Variants in COL4A6 observed in about 807,000 individuals in gnomAD.
COL4A6 encodes collagen type IV alpha 6 chain.
In COL4A6, 59 loss-of-function variants were observed where a neutral mutation model predicts 126.7. The ratio of observed to expected loss-of-function variants is 0.47; its 90% CI spans 0.38 to 0.58. The LOEUF is 0.58. Ranked by LOEUF, COL4A6 falls within the 20% of genes least tolerant of loss-of-function variation. The pLI, the probability that COL4A6 is intolerant of heterozygous loss-of-function variation, is 0.00. For synonymous variants in COL4A6, 547 were observed against 496.6 expected (o/e 1.10, Z -1.35); for missense variants, 1,285 against 1,337.3 (o/e 0.96, Z 0.61).
chrX:108,407,426 T>G (rs1280321249), intron 2 of COL4A6, among the ~76,000 whole-genome samples: 1 of 112,483 alleles, frequency 8.9e-6, no homozygotes, highest in Non-Finnish European at 1.9e-5. Flanking sequence ...GAAAATTTGA[T>G]TTTAAATGGA....
chrX:108,162,399 AAAGAAGAAGAAG>A (rs199879518), intron 41 of COL4A6, among the ~76,000 whole-genome samples: 8 of 108,262 alleles, frequency 7.4e-5, no homozygotes, highest in Admixed American at 7.0e-4. Context: ...AGGAAGAAGA[AAAGAAGAAGAAG>A]AAGAGGAAGA....
chrX:108,254,349 G>T (rs1047315097), intron 3 of COL4A6, among the ~76,000 whole-genome samples: 1 of 110,981 alleles, frequency 9.0e-6, no homozygotes, highest in African/African-American at 3.3e-5. Context: ...TGAGCATGTC[G>T]GTGGCATACC....
intron 2 of COL4A6, among the ~76,000 whole-genome samples, chrX:108,322,198 A>AAC (rs981724011): frequency 9.0e-6 from 1 of 110,787 alleles, no homozygotes; most frequent in Non-Finnish European, 1.9e-5. Flanking sequence ...CACACACACA[A>AAC]ACACACACAC....
intron 6 of COL4A6, among the ~76,000 whole-genome samples, chrX:108,211,980 C>G (rs2035718835): frequency 1.8e-5 from 2 of 111,235 alleles, no homozygotes; most frequent in Non-Finnish European, 3.8e-5. Context: ...TTGAATGGGT[C>G]TGAAATGTGT....
chrX:108,292,605 A>T (rs180708116), intron 3 of COL4A6, among the ~76,000 whole-genome samples: 44 of 112,146 alleles, frequency 3.9e-4, no homozygotes, highest in Non-Finnish European at 6.9e-4. Context: ...GAACAATGAA[A>T]ATTAGAATAT....
chrX:108,382,895 C>G (rs917216738), intron 2 of COL4A6, among the ~76,000 whole-genome samples: 1 of 106,626 alleles, frequency 9.4e-6, no homozygotes, highest in South Asian at 4.3e-4. Flanking sequence ...TTGCGGTGAG[C>G]GGAGATCATG....
At chrX:108,203,120 T>C (rs1191865196) in intron 12 of COL4A6, 139 bp from the exon 13 acceptor site, 7 of 500,292 alleles carry the variant, frequency 1.4e-5, no homozygotes, top group Non-Finnish European at 2.1e-5. Context: ...GTGGTGCAGA[T>C]TCCCCAGGCT....
In COL4A6 at chrX:108,212,231, T is replaced by A. The variant is rs1285435715; in HGVS notation, c.442-491A>T. On this transcript the variant is annotated intron_variant, in intron 6 of 44. Coordinates refer to ENST00000334504, the MANE Select transcript of COL4A6 (RefSeq NM_033641.4). ...CTTTCTTTCTTTTTATTTTATTATT[T>A]AAAAAAAAAAAAAACAGGCCACAAG... 5.0e-4 allele frequency among the ~76,000 whole-genome samples: 49 copies of A among 98,425 alleles called. No individual in the cohort carries two copies. In the East Asian group the frequency reaches 7.9e-3, roughly 16 times the overall value. 85.5% of individuals were successfully genotyped at this position (98,425 alleles called of 115,157 possible). A position where few individuals can be genotyped will look rare whatever the true frequency, so the allele number is the denominator to read the frequency against.
At chrX:108,178,880 G>A (rs1176936738) in intron 26 of COL4A6, 35 bp from the exon 27 acceptor site, 19 of 1,181,462 alleles carry the variant, frequency 1.6e-5, no homozygotes, top group Non-Finnish European at 2.2e-5. Flanking sequence ...TCACAGCCTG[G>A]AGAGATAGCA....
intron 2 of COL4A6, among the ~76,000 whole-genome samples, chrX:108,332,565 T>C (rs759440718): frequency 9.8e-5 from 11 of 112,157 alleles, no homozygotes; most frequent in Non-Finnish European, 1.7e-4. Context: ...AGAAGGTATG[T>C]CATTGTGGTT....
At chrX:108,363,116 C>T (rs942657598) in intron 2 of COL4A6, among the ~76,000 whole-genome samples, 2 of 112,026 alleles carry the variant, frequency 1.8e-5, no homozygotes, top group African/African-American at 3.2e-5. Flanking sequence ...CACTAGCACA[C>T]GAGAGAGTGG....
At chrX:108,307,140 G>A (rs2038645658) in intron 3 of COL4A6, among the ~76,000 whole-genome samples, 1 of 111,055 alleles carries the variant, frequency 9.0e-6, no homozygotes, top group Admixed American at 9.6e-5. Flanking sequence ...AGAACAACCC[G>A]AAAGAATAGT....
Position 108,178,674 on chromosome X carries a change from A to G in COL4A6, c.2515+10T>C. 3 of 1,209,308 alleles carry G rather than the reference A, an allele frequency of 2.5e-6. No homozygotes were observed. Among genetic ancestry groups the G allele is most frequent in the Non-Finnish European group, 3.4e-6 (3 of 894,472 alleles). Reference sequence around the variant, plus strand: ...CTGTCAAGGTGGGACTCTTCCTCTGAAGGACCTACCTGAGATGCCTGGGAA... The same window carrying G: ...CTGTCAAGGTGGGACTCTTCCTCTGGAGGACCTACCTGAGATGCCTGGGAA... On this transcript the variant is annotated intron_variant, in intron 27 of 44. Coordinates refer to ENST00000334504, the MANE Select transcript of COL4A6 (RefSeq NM_033641.4).
rs2037653634 is a variant in COL4A6 at position 108,277,685 on chromosome X, T to C, written c.144+33063A>G. On this transcript the variant is annotated intron_variant, in intron 3 of 44. Transcript: ENST00000334504. ...GAGATCTGAGAACGGGCAGACTGCCTCCTCAAGTGGGTCCCTGACCCCTGA... is the reference window on the plus strand; with the variant it reads ...GAGATCTGAGAACGGGCAGACTGCCCCCTCAAGTGGGTCCCTGACCCCTGA... Among the ~76,000 whole-genome samples the C allele has an allele frequency of 2.7e-5, 3 of 112,129 alleles. No individual in the cohort carries two copies. The South Asian group carries it at 1.1e-3, about 42-fold the overall frequency.
At chrX:108,329,067 A>T (rs1468069027) in intron 2 of COL4A6, among the ~76,000 whole-genome samples, 1 of 111,698 alleles carries the variant, frequency 9.0e-6, no homozygotes, top group Non-Finnish European at 1.9e-5. Context: ...GAAGAGTGGG[A>T]AGGGGGCTGG....
intron 2 of COL4A6, among the ~76,000 whole-genome samples, chrX:108,319,925 G>A (rs1318542560): frequency 8.9e-6 from 1 of 111,952 alleles, no homozygotes; most frequent in African/African-American, 3.3e-5. Context: ...ATGACTTTAA[G>A]TGTACAAGAG....
At chrX:108,207,432 CGTT>C (rs1409504789) in intron 8 of COL4A6, among the ~76,000 whole-genome samples, 1 of 110,794 alleles carries the variant, frequency 9.0e-6, no homozygotes, top group Non-Finnish European at 1.9e-5. Context: ...CCATGGCACA[CGTT>C]GTTTACCTAT....
intron 3 of COL4A6, among the ~76,000 whole-genome samples, chrX:108,228,944 C>A (rs1236341097): frequency 1.8e-5 from 2 of 112,018 alleles, no homozygotes; most frequent in Admixed American, 1.9e-4. Flanking sequence ...GACAAGGGAG[C>A]AGAGGGGCAA....
At chrX:108,198,352 G>C (rs1038436166) in intron 13 of COL4A6, among the ~76,000 whole-genome samples, 4 of 110,987 alleles carry the variant, frequency 3.6e-5, no homozygotes, top group Non-Finnish European at 7.6e-5. Flanking sequence ...AGGGGGCCTT[G>C]TACTCCTTCT....
Sources: allele counts gnomAD v4.1 joint callset (sites outside exome capture counted in the v4.1 genomes callset), GRCh38; gene constraint gnomAD v4.1.1; transcripts MANE v1.5; gene names NCBI Gene and HGNC (gene_info 2026-07-23, HGNC 2026-07-21).